PRKN: variants seen among roughly 807,000 people sequenced by gnomAD.
PRKN encodes the protein parkin RBR E3 ubiquitin protein ligase, also known as E3 ubiquitin-protein ligase parkin.
A neutral mutation model predicts 59.5 loss-of-function variants in PRKN; 56 were observed. The ratio of observed to expected loss-of-function variants is 0.94; its 90% CI spans 0.76 to 1.18. The LOEUF (loss-of-function observed/expected upper bound fraction) is 1.18, where lower values mean the gene tolerates loss of function less well. Among genes scored for constraint, PRKN ranks in the 50% most tolerant of loss-of-function variants. The pLI, the probability that PRKN is intolerant of heterozygous loss-of-function variation, is 0.00. For missense variants in PRKN, 657 were observed against 596.4 expected, an observed-to-expected ratio of 1.10 and a Z score of -1.06; for synonymous variants, 250 against 222.1, an observed-to-expected ratio of 1.13 and a Z score of -1.12.
chr6:161,759,279 T>C (rs1789089003), intron 7 of PRKN, among the ~76,000 whole-genome samples: 1 of 152,108 alleles, frequency 6.6e-6, no homozygotes, highest in Admixed American at 6.6e-5. Context: ...AATGTATGAG[T>C]TCATGGCACG....
At chr6:162,498,289 G>T (rs1323156807) in intron 1 of PRKN, among the ~76,000 whole-genome samples, 1 of 151,414 alleles carries the variant, frequency 6.6e-6, no homozygotes, top group Non-Finnish European at 1.5e-5. Flanking sequence ...CTGAAGAACG[G>T]AGCTTTGTCC....
chr6:162,371,391 G>A (rs1785759124), intron 2 of PRKN, among the ~76,000 whole-genome samples: 1 of 152,108 alleles, frequency 6.6e-6, no homozygotes, highest in Non-Finnish European at 1.5e-5. Context: ...TGCGAGTTCT[G>A]ACTGCCAACA....
At chr6:162,373,537 G>T (rs192136222) in intron 2 of PRKN, among the ~76,000 whole-genome samples, 1 of 152,036 alleles carries the variant, frequency 6.6e-6, no homozygotes, top group Non-Finnish European at 1.5e-5. Flanking sequence ...GCTAAAATGT[G>T]CAATATTTTG....
chr6:161,946,871 A>G (rs1255094136), intron 6 of PRKN, among the ~76,000 whole-genome samples: 2 of 152,228 alleles, frequency 1.3e-5, no homozygotes, highest in African/African-American at 4.8e-5. Context: ...TAAATCAAGT[A>G]TGTCCATAGG....
rs1177125546 is a variant in PRKN at position 161,359,694 on chromosome 6, A to T, written c.1285+394T>A. On this transcript the variant is annotated intron_variant, in intron 11 of 11. Coordinates refer to ENST00000366898, the MANE Select transcript of PRKN (RefSeq NM_004562.3). This position sits in a 1 kb window ranked among gnomAD's most constrained non-coding sequence, Gnocchi z 5.4. ...ATGTTGCAAAGCTGGGGAAGGCTAC[A>T]GACTGACGGCCGGCAGACAACAGGG... Among the ~76,000 whole-genome samples, 1 of 152,186 alleles carries T rather than the reference A, an allele frequency of 6.6e-6. No individual in the cohort carries two copies.
At chr6:162,307,876 C>T (rs1782304138) in intron 2 of PRKN, among the ~76,000 whole-genome samples, 1 of 152,182 alleles carries the variant, frequency 6.6e-6, no homozygotes, top group Non-Finnish European at 1.5e-5. Flanking sequence ...ATTGTTAATA[C>T]ATTGTGAGAT....
At chr6:161,684,590 AG>A (rs1306935685) in intron 7 of PRKN, among the ~76,000 whole-genome samples, 1 of 152,186 alleles carries the variant, frequency 6.6e-6, no homozygotes, top group East Asian at 1.9e-4. Context: ...CACCTATTAG[AG>A]GGAAAAAATG....
At chr6:161,670,590 T>C (rs951748840) in intron 7 of PRKN, among the ~76,000 whole-genome samples, 1 of 151,774 alleles carries the variant, frequency 6.6e-6, no homozygotes, top group South Asian at 2.1e-4. Flanking sequence ...CCGAGGCGGG[T>C]GGATCATGAG....
At chr6:161,997,294 G>T (rs56291666) in intron 5 of PRKN, among the ~76,000 whole-genome samples, 6,134 of 152,126 alleles carry the variant, frequency 0.04, 471 homozygotes, top group African/African-American at 0.14. Flanking sequence ...TTACTGAGAG[G>T]TACAAACTAC....
chr6:161,750,067 T>C (rs894622745), intron 7 of PRKN, among the ~76,000 whole-genome samples: 1 of 150,180 alleles, frequency 6.7e-6, no homozygotes, highest in African/African-American at 2.5e-5. Context: ...TTTCAATTCA[T>C]AGGATATTAA....
chr6:161,978,006 T>C (rs1164592231), intron 5 of PRKN, among the ~76,000 whole-genome samples: 1 of 146,078 alleles, frequency 6.8e-6, no homozygotes, highest in Non-Finnish European at 1.5e-5. Flanking sequence ...TAATTTGCAG[T>C]TATTTTATTG....
chr6:162,441,229 T>C (rs1292501132), intron 2 of PRKN, among the ~76,000 whole-genome samples: 1 of 152,154 alleles, frequency 6.6e-6, no homozygotes, highest in Non-Finnish European at 1.5e-5. Context: ...TTTCCTTCTA[T>C]GGCATGACAT....
At chr6:162,158,320 T>C (rs576127675) in intron 4 of PRKN, among the ~76,000 whole-genome samples, 2 of 152,134 alleles carry the variant, frequency 1.3e-5, no homozygotes, top group Non-Finnish European at 1.5e-5. Context: ...CTCCTGAATA[T>C]TGAAAACATG....
At chr6:161,794,997 G>A (rs900586666) in intron 6 of PRKN, among the ~76,000 whole-genome samples, 1 of 151,548 alleles carries the variant, frequency 6.6e-6, no homozygotes, top group Non-Finnish European at 1.5e-5. Flanking sequence ...CCATTCTCTT[G>A]CCTCAGCCTC....
At chr6:162,394,774 A>G (rs956181361) in intron 2 of PRKN, among the ~76,000 whole-genome samples, 1 of 152,230 alleles carries the variant, frequency 6.6e-6, no homozygotes, top group East Asian at 1.9e-4. Context: ...GTACCCAAGA[A>G]GTAGAGCTCA....
At chr6:162,277,949 T>C (rs1780708566) in intron 2 of PRKN, among the ~76,000 whole-genome samples, 1 of 152,202 alleles carries the variant, frequency 6.6e-6, no homozygotes. Context: ...ACTAAAATCA[T>C]GTCCACACAA....
intron 1 of PRKN, among the ~76,000 whole-genome samples, chr6:162,596,102 A>C (rs1349385816): frequency 6.6e-6 from 1 of 152,208 alleles, no homozygotes; most frequent in Non-Finnish European, 1.5e-5. Flanking sequence ...AAGACTGTAG[A>C]CATCTCAAAG....
At chr6:162,033,928 T>C (rs900654928) in intron 5 of PRKN, among the ~76,000 whole-genome samples, 2 of 152,134 alleles carry the variant, frequency 1.3e-5, no homozygotes, top group African/African-American at 2.4e-5. Flanking sequence ...GGTCTCTCTT[T>C]GAATTCTGAC....
chr6:161,886,169 T>TA (rs1795140826), intron 6 of PRKN, among the ~76,000 whole-genome samples: 1 of 152,210 alleles, frequency 6.6e-6, no homozygotes, highest in African/African-American at 2.4e-5. Flanking sequence ...TCACATTATG[T>TA]AAAAAATAAG....
Sources: allele counts gnomAD v4.1 joint callset (sites outside exome capture counted in the v4.1 genomes callset), GRCh38; gene constraint gnomAD v4.1.1; non-coding constraint Gnocchi (gnomAD v3.1); transcripts MANE v1.5; gene names NCBI Gene and HGNC (gene_info 2026-07-23, HGNC 2026-07-21).